KCNN2: variants seen among roughly 807,000 people sequenced by gnomAD.
KCNN2 encodes the protein small conductance calcium-activated potassium channel protein 2.
KCNN2 carries 24 observed loss-of-function variants against 55.5 expected under a neutral mutation model. That is an observed-to-expected ratio of 0.43 (90% CI 0.31 to 0.61). KCNN2 has a LOEUF of 0.61. KCNN2 is among the 20% of genes least tolerant of loss of function. KCNN2 has a pLI of 0.08. For missense variants in KCNN2, 754 were observed against 853.6 expected (o/e 0.88, Z 1.45); for synonymous variants, 431 against 336.1 (o/e 1.28, Z -3.09).
At chr5:114,490,182 A>G (rs1041860088) in intron 6 of KCNN2, among the ~76,000 whole-genome samples, 4 of 152,174 alleles carry the variant, frequency 2.6e-5, no homozygotes, top group African/African-American at 9.7e-5. Context: ...ACCAACATGA[A>G]TTTGTTTCAG....
At chr5:114,272,387 AT>A (rs2150008852) in intron 2 of KCNN2, among the ~76,000 whole-genome samples, 1 of 69,620 alleles carries the variant, frequency 1.4e-5, no homozygotes, top group Admixed American at 1.5e-4. Flanking sequence ...ATGTACATAT[AT>A]ACACACATAT....
At chr5:114,347,148 A>G (rs1757121992) in intron 2 of KCNN2, among the ~76,000 whole-genome samples, 1 of 152,256 alleles carries the variant, frequency 6.6e-6, no homozygotes, top group African/African-American at 2.4e-5. Flanking sequence ...GGATATCACC[A>G]TTAGGTAAAC....
At chr5:114,151,865 A>G (rs1412714649) in intron 1 of KCNN2, among the ~76,000 whole-genome samples, 1 of 152,202 alleles carries the variant, frequency 6.6e-6, no homozygotes, top group Non-Finnish European at 1.5e-5. Context: ...TTTTTCAATG[A>G]AATAGGAAAT....
At chr5:114,104,449 C>A (rs530046953) in intron 1 of KCNN2, among the ~76,000 whole-genome samples, 1 of 152,048 alleles carries the variant, frequency 6.6e-6, no homozygotes, top group East Asian at 1.9e-4. Flanking sequence ...TATTTCTTGT[C>A]TTCTGCTAGG....
chr5:114,371,458 A>C (rs1757757496), intron 2 of KCNN2, among the ~76,000 whole-genome samples: 1 of 152,134 alleles, frequency 6.6e-6, no homozygotes, highest in Admixed American at 6.6e-5. Context: ...GAAGGAGTCT[A>C]AGAGATAGGA....
intron 2 of KCNN2, among the ~76,000 whole-genome samples, chr5:114,304,644 G>A (rs1756232524): frequency 6.6e-6 from 1 of 152,168 alleles, no homozygotes; most frequent in Non-Finnish European, 1.5e-5. Flanking sequence ...ATTCTCTTCT[G>A]GGGCTGAGAC....
chr5:114,080,939 T>G (rs1359725641), intron 1 of KCNN2, among the ~76,000 whole-genome samples: 1 of 151,988 alleles, frequency 6.6e-6, no homozygotes, highest in Non-Finnish European at 1.5e-5. Flanking sequence ...ACCCTAAAGA[T>G]TCCGCACAAA....
intron 1 of KCNN2, among the ~76,000 whole-genome samples, chr5:114,162,419 G>A (rs1001528234): frequency 2.0e-4 from 30 of 152,290 alleles, no homozygotes; most frequent in African/African-American, 6.7e-4. Context: ...CCTACTGGGG[G>A]GTGCCTCCCA....
At chr5:114,392,331 G>T (rs1758472099) in intron 2 of KCNN2, among the ~76,000 whole-genome samples, 1 of 152,152 alleles carries the variant, frequency 6.6e-6, no homozygotes, top group Admixed American at 6.5e-5. Context: ...GCATATCTAG[G>T]ATCTAAGCCT....
intron 3 of KCNN2, among the ~76,000 whole-genome samples, chr5:114,417,755 G>A (rs1278656883): frequency 2.0e-5 from 3 of 152,124 alleles, no homozygotes; most frequent in Non-Finnish European, 4.4e-5. Flanking sequence ...TAGGAGATGA[G>A]TTCCCTCTGC....
At chr5:114,489,166 A>G (rs1327294765) in intron 6 of KCNN2, 3 of 152,176 alleles carry the variant, frequency 2.0e-5, no homozygotes, top group African/African-American at 7.2e-5. Context: ...TACATCTTGT[A>G]ATATAAGACT....
At chr5:114,258,665 G>A (rs2150003239) in intron 2 of KCNN2, among the ~76,000 whole-genome samples, 1 of 152,202 alleles carries the variant, frequency 6.6e-6, no homozygotes, top group African/African-American at 2.4e-5. Context: ...TGGCCTGATC[G>A]GGCAGGAATG....
intron 2 of KCNN2, among the ~76,000 whole-genome samples, chr5:114,284,638 C>T (rs144669799): frequency 6.6e-6 from 1 of 152,054 alleles, no homozygotes; most frequent in Admixed American, 6.5e-5. Context: ...CTGCCTCAGC[C>T]TCCCCAGTAG....
At chr5:114,447,629 G>A (rs1760471099) in intron 3 of KCNN2, among the ~76,000 whole-genome samples, 2 of 152,134 alleles carry the variant, frequency 1.3e-5, no homozygotes, top group South Asian at 4.1e-4. Context: ...CTCTCTCCAA[G>A]CTTCCCTTTG....
chr5:114,260,416 A>G (rs1755079367), intron 2 of KCNN2, among the ~76,000 whole-genome samples: 1 of 151,998 alleles, frequency 6.6e-6, no homozygotes, highest in Admixed American at 6.6e-5. Context: ...TTTCCTCTAG[A>G]CTTTTTCATA....
Position 114,462,925 on chromosome 5 carries a change from T to C in KCNN2, c.1638-124T>C, listed in dbSNP as rs530602446. ...CAATTTTGTTTATATTCACAAGCTT[T>C]GAAAACTTCTAAATATAGCAGTTTA... On this transcript the variant is annotated intron_variant, in intron 3 of 7. Coordinates refer to ENST00000673685, the MANE Select transcript of KCNN2 (RefSeq NM_021614.4). 48 of 916,794 alleles carry C rather than the reference T, an allele frequency of 5.2e-5. No homozygotes were observed. In the South Asian group the frequency reaches 8.5e-4, roughly 16 times the overall value. 56.8% of individuals were successfully genotyped at this position (916,794 alleles called of 1,614,324 possible).
chr5:114,439,054 TAAAA>T (rs906320282), intron 3 of KCNN2, among the ~76,000 whole-genome samples: 3 of 152,156 alleles, frequency 2.0e-5, no homozygotes, highest in African/African-American at 4.8e-5. Context: ...GTACAGTACA[TAAAA>T]AAATCTGAAA....
intron 1 of KCNN2, among the ~76,000 whole-genome samples, chr5:114,159,639 T>G (rs1203485862): frequency 3.3e-5 from 5 of 152,092 alleles, no homozygotes; most frequent in Admixed American, 2.0e-4. Context: ...GTCCTGGACT[T>G]TTTTTGGTTG....
chr5:114,477,891 A>G (rs1176616378), intron 5 of KCNN2, among the ~76,000 whole-genome samples: 1 of 152,208 alleles, frequency 6.6e-6, no homozygotes, highest in Non-Finnish European at 1.5e-5. Context: ...GATCCATAAT[A>G]AGAACACTAT....
Sources: allele counts gnomAD v4.1 joint callset (sites outside exome capture counted in the v4.1 genomes callset), GRCh38; gene constraint gnomAD v4.1.1; transcripts MANE v1.5; gene names NCBI Gene and HGNC (gene_info 2026-07-23, HGNC 2026-07-21).